KCNG2: variants seen among roughly 807,000 people sequenced by gnomAD.
KCNG2 encodes the protein voltage-gated potassium channel regulatory subunit KCNG2.
KCNG2 carries 7 observed loss-of-function variants against 12.3 expected under a neutral mutation model. The observed-to-expected ratio is 0.57, with a 90% CI of 0.32 to 1.07. The LOEUF is 1.07. Among genes scored for constraint, KCNG2 ranks in the 50% least tolerant of loss-of-function variants. KCNG2 has a pLI of 0.04. For synonymous variants in KCNG2, 414 were observed against 351.4 expected (o/e 1.18, Z -1.99); for missense variants, 703 against 726.0 (o/e 0.97, Z 0.36).
At chr18:79,870,294 T>G (rs1304784592) in intron 3 of KCNG2, among the ~76,000 whole-genome samples, 4 of 152,190 alleles carry the variant, frequency 2.6e-5, no homozygotes, top group Non-Finnish European at 5.9e-5. Context: ...GTGTCTTCTG[T>G]CGTCTCTGAC....
intron 2 of KCNG2, among the ~76,000 whole-genome samples, chr18:79,860,926 A>G (rs968118453): frequency 2.0e-5 from 3 of 152,182 alleles, no homozygotes; most frequent in African/African-American, 7.2e-5. Flanking sequence ...TTCACCGTTG[A>G]CTATGGAGTT....
intron 1 of KCNG2, among the ~76,000 whole-genome samples, chr18:79,839,544 C>T (rs894718409): frequency 1.3e-5 from 2 of 152,128 alleles, no homozygotes; most frequent in Non-Finnish European, 2.9e-5. Context: ...GAGAATAGTC[C>T]TATAACTGTT....
intron 3 of KCNG2, among the ~76,000 whole-genome samples, chr18:79,869,400 G>C (rs1180514670): frequency 6.6e-6 from 1 of 152,200 alleles, no homozygotes; most frequent in Admixed American, 6.5e-5. Flanking sequence ...CTCAGGACCT[G>C]AGAACCCGGC....
intron 1 of KCNG2, among the ~76,000 whole-genome samples, chr18:79,820,358 G>A (rs1019596412): frequency 3.3e-5 from 5 of 152,192 alleles, no homozygotes; most frequent in African/African-American, 7.2e-5. Flanking sequence ...TGATGCTGCT[G>A]CTTAACTTTT....
intron 3 of KCNG2, among the ~76,000 whole-genome samples, chr18:79,893,585 G>A: frequency 6.6e-6 from 1 of 151,426 alleles, no homozygotes; most frequent in East Asian, 2.0e-4. Context: ...GTTGTTCACT[G>A]CATTCACATG....
intron 3 of KCNG2, among the ~76,000 whole-genome samples, chr18:79,883,033 C>T (rs1052748106): frequency 9.2e-5 from 14 of 152,364 alleles, no homozygotes; most frequent in African/African-American, 3.1e-4. Flanking sequence ...TCAGCACGGC[C>T]TAGCCCGGAA....
At chr18:79,898,189 T>C (rs1333173377) in intron 3 of KCNG2, among the ~76,000 whole-genome samples, 4 of 152,180 alleles carry the variant, frequency 2.6e-5, no homozygotes, top group Non-Finnish European at 5.9e-5. Flanking sequence ...GTCAGTTCCT[T>C]TGAGAAGAGA....
chr18:79,806,391 A>G (rs923607027), intron 1 of KCNG2, among the ~76,000 whole-genome samples: 1 of 152,196 alleles, frequency 6.6e-6, no homozygotes, highest in Non-Finnish European at 1.5e-5. Flanking sequence ...GTGTGGGGCC[A>G]TCAGCAAGCC....
chr18:79,857,420 C>T (rs1979055870), intron 2 of KCNG2, among the ~76,000 whole-genome samples: 1 of 151,930 alleles, frequency 6.6e-6, no homozygotes. Context: ...CTCTTACTGG[C>T]AAGCTAACTA....
At chr18:79,850,965 C>T (rs1050398404) in intron 1 of KCNG2, among the ~76,000 whole-genome samples, 2 of 152,140 alleles carry the variant, frequency 1.3e-5, no homozygotes, top group African/African-American at 2.4e-5. Context: ...GTGGAGTCTT[C>T]GTGTTACCAG....
intron 1 of KCNG2, among the ~76,000 whole-genome samples, chr18:79,820,663 TTTAC>T (rs973014661): frequency 1.3e-5 from 2 of 152,144 alleles, no homozygotes; most frequent in African/African-American, 4.8e-5. Flanking sequence ...GCCCATTTTA[TTTAC>T]TTATTTATTT....
chr18:79,828,590 T>C (rs1161836052), intron 1 of KCNG2, among the ~76,000 whole-genome samples: 1 of 152,090 alleles, frequency 6.6e-6, no homozygotes, highest in Non-Finnish European at 1.5e-5. Context: ...TGTGTCTGCA[T>C]GTGGGTGTGT....
At chr18:79,819,660 C>A (rs1462192846) in intron 1 of KCNG2, among the ~76,000 whole-genome samples, 2 of 152,242 alleles carry the variant, frequency 1.3e-5, no homozygotes, top group African/African-American at 4.8e-5. Context: ...CAATAGAGGC[C>A]GTCCACCTCC....
In KCNG2 at chr18:79,889,909, G is replaced by T. The variant is rs975333512; in HGVS notation, c.625-9131G>T. 2.0e-5 allele frequency among the ~76,000 whole-genome samples: 3 copies of T among 152,336 alleles called. No homozygotes were observed. The South Asian group carries it at 6.2e-4, about 32-fold the overall frequency. Reference sequence around the variant, plus strand: ...TTTTTGCGGAGGTTTCCTGCTTGTTGAGTGTTTCTGTCATGAAAAGATGTT... The same window carrying T: ...TTTTTGCGGAGGTTTCCTGCTTGTTTAGTGTTTCTGTCATGAAAAGATGTT... On this transcript the variant is annotated intron_variant, in intron 3 of 3. Coordinates refer to ENST00000316249, the MANE Select transcript of KCNG2 (RefSeq NM_012283.2).
chr18:79,859,285 T>C (rs1979130783), intron 2 of KCNG2, among the ~76,000 whole-genome samples: 1 of 152,218 alleles, frequency 6.6e-6, no homozygotes, highest in African/African-American at 2.4e-5. Context: ...AGTGTTGCTA[T>C]AAAGGAATAC....
At chr18:79,799,706 G>A (rs545129769) in intron 1 of KCNG2, among the ~76,000 whole-genome samples, 8 of 152,256 alleles carry the variant, frequency 5.3e-5, no homozygotes, top group Non-Finnish European at 1.0e-4. Flanking sequence ...GAGAAGAAAA[G>A]GAGGGAAGTG....
intron 1 of KCNG2, among the ~76,000 whole-genome samples, chr18:79,814,374 C>T (rs71367544): frequency 0.21 from 32,189 of 152,180 alleles, 3,507 homozygotes; most frequent in African/African-American, 0.27. Context: ...GATAGTTCGA[C>T]GATCACACTT....
chr18:79,885,545 A>T (rs1371305809), intron 3 of KCNG2, among the ~76,000 whole-genome samples: 1 of 152,032 alleles, frequency 6.6e-6, no homozygotes, highest in African/African-American at 2.4e-5. Flanking sequence ...CAGAACACAC[A>T]CTCAGCCCGG....
intron 1 of KCNG2, among the ~76,000 whole-genome samples, chr18:79,846,374 C>CA (rs11421957): frequency 0.59 from 36,113 of 61,566 alleles, 11,033 homozygotes; most frequent in Non-Finnish European, 0.67. Context: ...GACTCCGTCT[C>CA]AAAAAAAAAA....
Sources: gnomAD v4.1 joint callset for allele counts (sites outside exome capture counted in the v4.1 genomes callset) on GRCh38, gnomAD v4.1.1 for gene constraint, MANE v1.5 for transcripts, NCBI Gene and HGNC (gene_info 2026-07-23, HGNC 2026-07-21) for gene names.